COL24A1: variants seen among roughly 807,000 people sequenced by gnomAD.
COL24A1 encodes the protein collagen alpha-1(XXIV) chain.
Under a neutral mutation model 253.9 loss-of-function variants are expected in COL24A1, and 224 were observed. The ratio of observed to expected loss-of-function variants is 0.88; its 90% CI spans 0.79 to 0.99. The LOEUF is 0.99. COL24A1 is among the 50% of genes least tolerant of loss of function. The pLI is 0.00. For missense variants in COL24A1, 2,131 were observed against 2,068.5 expected, an observed-to-expected ratio of 1.03 and a Z score of -0.59; for synonymous variants, 685 against 673.7, an observed-to-expected ratio of 1.02 and a Z score of -0.26.
intron 20 of COL24A1, among the ~76,000 whole-genome samples, chr1:85,975,112 C>G (rs1423835713): frequency 6.6e-6 from 1 of 151,870 alleles, no homozygotes; most frequent in African/African-American, 2.4e-5. Flanking sequence ...ATTAAAAAGA[C>G]AGAAAATAAC....
chr1:85,783,621 C>T (rs1234854280), intron 50 of COL24A1, 63 bp from the exon 51 acceptor site: 1 of 1,360,840 alleles, frequency 7.3e-7, no homozygotes, highest in South Asian at 1.2e-5. Flanking sequence ...TTTTACAAAA[C>T]TATATAAATC....
chr1:85,895,979 C>G (rs1429078741), intron 30 of COL24A1, 42 bp downstream of exon 30: 1 of 1,598,940 alleles, frequency 6.3e-7, no homozygotes, highest in East Asian at 2.2e-5. Flanking sequence ...ACAAAAAAGA[C>G]TTAAAATGTT....
intron 43 of COL24A1, among the ~76,000 whole-genome samples, chr1:85,831,791 A>C (rs1179290658): frequency 6.6e-6 from 1 of 152,102 alleles, no homozygotes; most frequent in Non-Finnish European, 1.5e-5. Context: ...CTGACAGAAC[A>C]TGTTAGGTAG....
chr1:85,737,365 A>T, intron 58 of COL24A1, 31 bp downstream of exon 58: 1 of 1,405,722 alleles, frequency 7.1e-7, no homozygotes, highest in Admixed American at 1.8e-5. Flanking sequence ...GTGCAATATA[A>T]CGACATGTGT....
intron 12 of COL24A1, among the ~76,000 whole-genome samples, chr1:86,038,070 A>G (rs193163668): frequency 1.3e-5 from 2 of 152,184 alleles, no homozygotes; most frequent in Admixed American, 1.3e-4. Context: ...CCTGTCGCCA[A>G]TGTAAAAAAA....
chr1:86,117,313 G>C (rs552370808), intron 3 of COL24A1, among the ~76,000 whole-genome samples: 40 of 152,158 alleles, frequency 2.6e-4, no homozygotes, highest in Admixed American at 5.2e-4. Context: ...AGAGGCATAA[G>C]GGAGTTAGTT....
intron 14 of COL24A1, among the ~76,000 whole-genome samples, chr1:86,030,750 CTTTT>C (rs10708970): frequency 2.8e-5 from 4 of 142,988 alleles, no homozygotes; most frequent in Admixed American, 6.9e-5. Flanking sequence ...TTTTTTCTTT[CTTTT>C]TTTTTTTTTT....
At chr1:85,986,414 A>T (rs1693726778) in intron 20 of COL24A1, among the ~76,000 whole-genome samples, 1 of 151,884 alleles carries the variant, frequency 6.6e-6, no homozygotes, top group African/African-American at 2.4e-5. Flanking sequence ...ACCATTGAAG[A>T]TACTTTACTA....
chr1:85,881,732 T>C (rs1290652918), intron 32 of COL24A1, among the ~76,000 whole-genome samples: 1 of 152,216 alleles, frequency 6.6e-6, no homozygotes, highest in African/African-American at 2.4e-5. Context: ...ACTTCTGATA[T>C]TAGTAATTTG....
Position 86,125,850 on chromosome 1 carries a change from T to C in COL24A1, c.486A>G (p.Gln162=), listed in dbSNP as rs971838260. Residue 162 remains glutamine, a synonymous_variant, in exon 3 of 60, where the codon CAA becomes CAG. Transcript: ENST00000370571. The part of the protein sequence containing the change: ...AVFNYSVHDE[Q]WHSFAITIRN... ...TAATAGTAATGGCAAATGAGTGCCATTGCTCATCATGAACACTGTAGTTGA... is the reference window on the plus strand; with the variant it reads ...TAATAGTAATGGCAAATGAGTGCCACTGCTCATCATGAACACTGTAGTTGA... 2 of 1,613,212 alleles carry C rather than the reference T, an allele frequency of 1.2e-6. No homozygotes were observed. Among genetic ancestry groups the C allele is most frequent in the African/African-American group, 1.3e-5 (1 of 74,876 alleles).
At chr1:86,117,799 A>T (rs970723357) in intron 3 of COL24A1, among the ~76,000 whole-genome samples, 1 of 152,224 alleles carries the variant, frequency 6.6e-6, no homozygotes, top group African/African-American at 2.4e-5. Flanking sequence ...ATTATTTGTT[A>T]TTAAGAGAAA....
chr1:86,017,040 A>T, intron 19 of COL24A1, 111 bp downstream of exon 19: 1 of 1,020,894 alleles, frequency 9.8e-7, no homozygotes, highest in Non-Finnish European at 1.4e-6. Flanking sequence ...CGGAGATCTA[A>T]ACTTTAAAGA....
intron 24 of COL24A1, among the ~76,000 whole-genome samples, chr1:85,955,176 G>A (rs1690313558): frequency 6.6e-6 from 1 of 152,162 alleles, no homozygotes; most frequent in Non-Finnish European, 1.5e-5. Flanking sequence ...CCATCTACGG[G>A]GAGACCACAT....
intron 24 of COL24A1, among the ~76,000 whole-genome samples, chr1:85,946,208 A>C (rs1348214147): frequency 2.0e-5 from 3 of 152,170 alleles, no homozygotes; most frequent in African/African-American, 7.2e-5. Context: ...CCTGGTAGAT[A>C]ATATTTAACA....
chr1:86,015,521 A>G (rs1696907650), intron 19 of COL24A1, among the ~76,000 whole-genome samples: 1 of 152,118 alleles, frequency 6.6e-6, no homozygotes, highest in Admixed American at 6.5e-5. Context: ...ATGACTCAAA[A>G]CCATACTTAT....
chr1:85,927,319 C>G (rs984046678), intron 24 of COL24A1, among the ~76,000 whole-genome samples: 3 of 152,104 alleles, frequency 2.0e-5, no homozygotes, highest in Non-Finnish European at 4.4e-5. Context: ...AAAGGGGTGA[C>G]GGACGGCACC....
intron 2 of COL24A1, among the ~76,000 whole-genome samples, chr1:86,135,447 C>T (rs1448079843): frequency 3.3e-5 from 5 of 151,802 alleles, no homozygotes; most frequent in South Asian, 2.1e-4. Flanking sequence ...TTTAAAAATT[C>T]GTATTATGAG....
chr1:86,124,749 T>G, intron 3 of COL24A1, 96 bp downstream of exon 3: 1 of 901,630 alleles, frequency 1.1e-6, no homozygotes, highest in Non-Finnish European at 1.6e-6. Flanking sequence ...CTGTTATGTA[T>G]TGTTTGGTCC....
intron 24 of COL24A1, among the ~76,000 whole-genome samples, chr1:85,954,936 T>C (rs1267761001): frequency 1.3e-5 from 2 of 152,208 alleles, no homozygotes; most frequent in Admixed American, 6.5e-5. Flanking sequence ...CAAGGAAATA[T>C]GACTTCTTAT....
Sources: allele counts gnomAD v4.1 joint callset (sites outside exome capture counted in the v4.1 genomes callset), GRCh38; gene constraint gnomAD v4.1.1; transcripts MANE v1.5; gene names NCBI Gene and HGNC (gene_info 2026-07-23, HGNC 2026-07-21).